CHRM3: variants seen among roughly 807,000 people sequenced by gnomAD.
The protein encoded by CHRM3 is cholinergic receptor muscarinic 3, also known as muscarinic acetylcholine receptor M3.
CHRM3 carries 11 observed loss-of-function variants against 41.8 expected under a neutral mutation model. The ratio of observed to expected loss-of-function variants is 0.26; its 90% CI spans 0.17 to 0.44. CHRM3 has a LOEUF of 0.44. Among genes scored for constraint, CHRM3 ranks in the 20% least tolerant of loss-of-function variants. The pLI, the probability that CHRM3 is intolerant of heterozygous loss-of-function variation, is 1.00. For missense variants in CHRM3, 571 were observed against 745.4 expected (o/e 0.77, Z 2.72); for synonymous variants, 297 against 301.4 (o/e 0.99, Z 0.15).
intron 4 of CHRM3, among the ~76,000 whole-genome samples, chr1:239,661,302 T>A (rs560111048): frequency 6.6e-6 from 1 of 152,226 alleles, no homozygotes; most frequent in South Asian, 2.1e-4. Context: ...GTCTGCTCCT[T>A]TGTAGTCTTA....
chr1:239,841,115 G>A (rs544116252), intron 6 of CHRM3, among the ~76,000 whole-genome samples: 4 of 152,334 alleles, frequency 2.6e-5, no homozygotes, highest in South Asian at 4.1e-4. Flanking sequence ...AATGAGCAAA[G>A]ATTAAGGGAG....
chr1:239,680,333 G>C (rs1242590282), intron 5 of CHRM3, among the ~76,000 whole-genome samples: 1 of 152,116 alleles, frequency 6.6e-6, no homozygotes, highest in Non-Finnish European at 1.5e-5. Context: ...CTTTGTTGAA[G>C]GATTGAGTCA....
chr1:239,867,536 A>G (rs1457575833), intron 6 of CHRM3, among the ~76,000 whole-genome samples: 1 of 152,084 alleles, frequency 6.6e-6, no homozygotes, highest in Non-Finnish European at 1.5e-5. Flanking sequence ...AAATACAAAA[A>G]TTAGCCAGGC....
chr1:239,625,162 C>T (rs1362394080), intron 3 of CHRM3, among the ~76,000 whole-genome samples: 2 of 41,956 alleles, frequency 4.8e-5, no homozygotes, highest in African/African-American at 1.7e-4. Context: ...TGTTTGTGTC[C>T]TCTTTTATTT....
At chr1:239,557,687 C>G (rs1660491235) in intron 3 of CHRM3, among the ~76,000 whole-genome samples, 1 of 152,130 alleles carries the variant, frequency 6.6e-6, no homozygotes, top group Non-Finnish European at 1.5e-5. Context: ...CTCCCTGTGT[C>G]CACGTGTTCT....
chr1:239,766,990 G>A (rs1338878393), intron 5 of CHRM3, among the ~76,000 whole-genome samples: 1 of 152,164 alleles, frequency 6.6e-6, no homozygotes, highest in Non-Finnish European at 1.5e-5. Flanking sequence ...GGGATTACAG[G>A]CATGAACCAC....
intron 6 of CHRM3, among the ~76,000 whole-genome samples, chr1:239,842,895 C>T (rs1307155239): frequency 3.3e-5 from 5 of 152,158 alleles, no homozygotes; most frequent in Non-Finnish European, 7.3e-5. Flanking sequence ...GCCTAGATCA[C>T]CAGGGTCCTA....
intron 2 of CHRM3, among the ~76,000 whole-genome samples, chr1:239,498,938 C>T (rs904509896): frequency 3.9e-5 from 6 of 152,058 alleles, no homozygotes; most frequent in East Asian, 1.9e-4. Context: ...TTTTATTTAG[C>T]GTGCTTCCTT....
intron 2 of CHRM3, among the ~76,000 whole-genome samples, chr1:239,531,806 C>A (rs1319236136): frequency 6.7e-6 from 1 of 148,354 alleles, no homozygotes; most frequent in Non-Finnish European, 1.5e-5. Flanking sequence ...ACCACAGGCA[C>A]CCGCCACCAC....
chr1:239,426,148 C>T lies in CHRM3; in HGVS notation c.-521+38921C>T, dbSNP rs1348495778. Among the ~76,000 whole-genome samples the T allele has an allele frequency of 1.4e-4, 6 of 42,526 alleles. 1 individual carries two copies. Among genetic ancestry groups the T allele is most frequent in the Non-Finnish European group, 3.1e-4 (6 of 19,244 alleles). The allele number at this position is 42,526 out of a possible 152,430, so 27.9% of individuals were successfully genotyped here. A position where few individuals can be genotyped will look rare whatever the true frequency, so the allele number is the denominator to read the frequency against. ...ATGCTATCCCTCCCCCCTCCCCCCT[C>T]CCCCCTCCCCCCACCCCACAACAGG... On this transcript the variant is annotated intron_variant, in intron 1 of 6. Transcript: ENST00000676153.
At chr1:239,780,344 C>G (rs1420190028) in intron 5 of CHRM3, among the ~76,000 whole-genome samples, 2 of 152,132 alleles carry the variant, frequency 1.3e-5, no homozygotes, top group African/African-American at 4.8e-5. Context: ...GTAGTGGTAT[C>G]CTGTTGTTTT....
At chr1:239,880,564 T>TA (rs1452707803) in intron 6 of CHRM3, among the ~76,000 whole-genome samples, 8 of 152,182 alleles carry the variant, frequency 5.3e-5, no homozygotes, top group African/African-American at 1.9e-4. Context: ...AGCATGAAGA[T>TA]AATTCACTGA....
chr1:239,855,440 G>T (rs1675027782), intron 6 of CHRM3, among the ~76,000 whole-genome samples: 1 of 152,100 alleles, frequency 6.6e-6, no homozygotes, highest in African/African-American at 2.4e-5. Context: ...AATTAGACAA[G>T]AATTTCCTTT....
chr1:239,633,973 C>T (rs1670161646), intron 4 of CHRM3, among the ~76,000 whole-genome samples: 1 of 152,242 alleles, frequency 6.6e-6, no homozygotes, highest in South Asian at 2.1e-4. Flanking sequence ...TTAAACACTG[C>T]AGCAGTGCTA....
chr1:239,474,836 C>G (rs1572423515), intron 1 of CHRM3, among the ~76,000 whole-genome samples: 1 of 152,152 alleles, frequency 6.6e-6, no homozygotes, highest in Admixed American at 6.5e-5. Flanking sequence ...ATGATTTTTA[C>G]TGAAGAGTAA....
rs1380040491 is a variant in CHRM3, at chr1:239,911,079, T to A, written c.*1855T>A. ...TGAATAGAGTATATTGGAGCTTTCCTGTGGCTAAGAAGAAGAAACATGTCA... is the reference window on the plus strand; with the variant it reads ...TGAATAGAGTATATTGGAGCTTTCCAGTGGCTAAGAAGAAGAAACATGTCA... On this transcript the variant is annotated 3_prime_UTR_variant, in exon 7 of 7. Transcript: ENST00000676153. The A allele has an allele frequency of 6.0e-6, 1 of 167,088 alleles. No individual in the cohort carries two copies. The highest frequency in any genetic ancestry group is 1.5e-5 in the Non-Finnish European group (1 of 68,126). 10.4% of individuals were successfully genotyped at this position (167,088 alleles called of 1,614,324 possible).
At chr1:239,791,083 C>A (rs1296856884) in intron 5 of CHRM3, among the ~76,000 whole-genome samples, 3 of 150,546 alleles carry the variant, frequency 2.0e-5, no homozygotes, top group Non-Finnish European at 4.4e-5. Flanking sequence ...ACTAGCATGT[C>A]CCACAGCTTT....
chr1:239,389,716 AC>A (rs1258458664), intron 1 of CHRM3, among the ~76,000 whole-genome samples: 2 of 152,232 alleles, frequency 1.3e-5, no homozygotes, highest in African/African-American at 4.8e-5. Context: ...ATAAAGTAAT[AC>A]ATATTTTCAG....
chr1:239,600,002 ATTTC>A (rs1665312096), intron 3 of CHRM3, among the ~76,000 whole-genome samples: 1 of 152,104 alleles, frequency 6.6e-6, no homozygotes, highest in South Asian at 2.1e-4. Flanking sequence ...GTAAGAACTG[ATTTC>A]TCCCTCAACC....
Sources: allele counts gnomAD v4.1 joint callset (sites outside exome capture counted in the v4.1 genomes callset), GRCh38; gene constraint gnomAD v4.1.1; transcripts MANE v1.5; gene names NCBI Gene and HGNC (gene_info 2026-07-23, HGNC 2026-07-21).